The following MRAP2 variants were observed in gnomAD, a reference collection of about 807,000 sequenced individuals.
MRAP2 encodes melanocortin 2 receptor accessory protein 2.
Under a neutral mutation model 17.4 loss-of-function variants are expected in MRAP2, and 20 were observed. That is an observed-to-expected ratio of 1.15 (90% CI 0.81 to 1.67). MRAP2 has a LOEUF of 1.67. Among genes scored for constraint, MRAP2 ranks in the 40% most tolerant of loss-of-function variants. The probability of loss-of-function intolerance (pLI) is 0.00; values close to 1 mark genes in which losing one functional copy is unlikely to be tolerated. For synonymous variants in MRAP2, 96 were observed against 88.4 expected, an observed-to-expected ratio of 1.09 and a Z score of -0.48; for missense variants, 238 against 240.0, an observed-to-expected ratio of 0.99 and a Z score of 0.05.
chr6:84,100,655 C>A, the MRAP2 span, among the ~76,000 whole-genome samples: 1 of 152,078 alleles, frequency 6.6e-6, no homozygotes. Flanking sequence ...CTATATTTTT[C>A]AAAAAATGTG....
intron 3 of MRAP2, among the ~76,000 whole-genome samples, chr6:84,072,692 G>A (rs1026824406): frequency 3.3e-5 from 5 of 152,212 alleles, no homozygotes; most frequent in African/African-American, 7.2e-5. Flanking sequence ...AAGGACCATC[G>A]GGTTGGGGCA....
At chr6:84,135,764 G>T in the MRAP2 span, among the ~76,000 whole-genome samples, 951 of 152,246 alleles carry the variant, frequency 6.2e-3, 4 homozygotes, top group African/African-American at 0.022. Flanking sequence ...TCAGGAAGCT[G>T]AGACATAAGA....
chr6:84,094,119 A>C (rs1274406439), downstream of MRAP2, among the ~76,000 whole-genome samples: 1 of 152,174 alleles, frequency 6.6e-6, no homozygotes, highest in East Asian at 1.9e-4. Flanking sequence ...TCACTCCTGA[A>C]TAACCCTATC....
At chr6:84,144,903 C>T in the MRAP2 span, among the ~76,000 whole-genome samples, 3 of 152,112 alleles carry the variant, frequency 2.0e-5, no homozygotes, top group Middle Eastern at 3.4e-3. Flanking sequence ...TCTCCAGAAA[C>T]CATTAGCTGA....
the MRAP2 span, among the ~76,000 whole-genome samples, chr6:84,144,170 C>T: frequency 1.2e-4 from 19 of 152,072 alleles, no homozygotes; most frequent in African/African-American, 4.6e-4. Flanking sequence ...TGTTCTTTCT[C>T]CTTTTACAAA....
At chr6:84,131,445 G>T in the MRAP2 span, among the ~76,000 whole-genome samples, 1 of 152,098 alleles carries the variant, frequency 6.6e-6, no homozygotes, top group Non-Finnish European at 1.5e-5. Flanking sequence ...TGACAGTGGG[G>T]TGTTAAAGTC....
chr6:84,037,195 T>C (rs185705889), intron 1 of MRAP2, among the ~76,000 whole-genome samples: 180 of 151,596 alleles, frequency 1.2e-3, no homozygotes, highest in African/African-American at 4.3e-3. Flanking sequence ...ATTACAAACC[T>C]TGAGCTAGAC....
chr6:84,104,416 T>A, the MRAP2 span, among the ~76,000 whole-genome samples: 2 of 152,258 alleles, frequency 1.3e-5, no homozygotes, highest in African/African-American at 4.8e-5. Flanking sequence ...TATGCAAATC[T>A]CTGCAGCTGG....
the MRAP2 span, among the ~76,000 whole-genome samples, chr6:84,135,607 A>G: frequency 6.6e-6 from 1 of 151,256 alleles, no homozygotes; most frequent in African/African-American, 2.5e-5. Flanking sequence ...TCACGCCTGT[A>G]ATCCCAGCTC....
the MRAP2 span, among the ~76,000 whole-genome samples, chr6:84,127,795 A>G: frequency 6.6e-6 from 1 of 152,256 alleles, no homozygotes; most frequent in Admixed American, 6.5e-5. Context: ...GTGAATGAGA[A>G]TTCTAATATT....
chr6:84,033,789 C>A lies in MRAP2; in HGVS notation c.-102C>A. Reference sequence around the variant, plus strand: ...TAGGAGCTACTCGCCCGGCCCTGGGCGGTGGGAGGCGGCGGCGGCGGCGGC... The same window carrying A: ...TAGGAGCTACTCGCCCGGCCCTGGGAGGTGGGAGGCGGCGGCGGCGGCGGC... On this transcript the variant is annotated 5_prime_UTR_variant, in exon 1 of 4. Transcript: ENST00000257776. The A allele has an allele frequency of 2.0e-6, 2 of 986,738 alleles. No individual in the cohort carries two copies. The highest frequency in any genetic ancestry group is 1.2e-6 in the Non-Finnish European group (1 of 830,948). 61.1% of individuals were successfully genotyped at this position (986,738 alleles called of 1,614,324 possible). A position where few individuals can be genotyped will look rare whatever the true frequency, so the allele number is the denominator to read the frequency against.
intron 3 of MRAP2, among the ~76,000 whole-genome samples, chr6:84,075,418 G>A (rs1015776878): frequency 6.6e-6 from 1 of 152,162 alleles, no homozygotes; most frequent in African/African-American, 2.4e-5. Context: ...CTTTGATGGG[G>A]ATTATTTTTT....
At chr6:84,132,355 T>C in the MRAP2 span, among the ~76,000 whole-genome samples, 1 of 152,160 alleles carries the variant, frequency 6.6e-6, no homozygotes, top group Non-Finnish European at 1.5e-5. Context: ...ATCTTTGTGG[T>C]GTTCTCTGTA....
chr6:84,049,545 A>G (rs1399806815), intron 1 of MRAP2, among the ~76,000 whole-genome samples: 2 of 152,214 alleles, frequency 1.3e-5, no homozygotes, highest in African/African-American at 4.8e-5. Flanking sequence ...TATGAATCCA[A>G]ACTGCTTGTC....
chr6:84,046,106 C>T (rs2099488952), intron 1 of MRAP2, among the ~76,000 whole-genome samples: 1 of 152,172 alleles, frequency 6.6e-6, no homozygotes, highest in Admixed American at 6.5e-5. Flanking sequence ...AGACTGCTAG[C>T]CCTCCTGTCT....
the MRAP2 span, among the ~76,000 whole-genome samples, chr6:84,112,112 C>T: frequency 6.6e-6 from 1 of 152,150 alleles, no homozygotes; most frequent in South Asian, 2.1e-4. Flanking sequence ...ATGATGCTGG[C>T]CTCCTCAAAT....
the MRAP2 span, among the ~76,000 whole-genome samples, chr6:84,109,156 C>T: frequency 3.3e-5 from 5 of 152,116 alleles, no homozygotes; most frequent in Admixed American, 6.6e-5. Flanking sequence ...GCTTTTTGGG[C>T]TCTTTTTTGA....
chr6:84,045,948 C>T (rs749679893), intron 1 of MRAP2, among the ~76,000 whole-genome samples: 7 of 152,210 alleles, frequency 4.6e-5, no homozygotes, highest in Non-Finnish European at 7.3e-5. Context: ...AGGACTTTCA[C>T]TACATCCCTT....
chr6:84,082,883 A>G (rs1269372341), intron 3 of MRAP2, among the ~76,000 whole-genome samples: 2 of 151,796 alleles, frequency 1.3e-5, no homozygotes, highest in African/African-American at 4.8e-5. Flanking sequence ...TACCAGGCTT[A>G]TCAGTACGAG....
Sources: gnomAD v4.1 joint callset for allele counts (sites outside exome capture counted in the v4.1 genomes callset) on GRCh38, gnomAD v4.1.1 for gene constraint, MANE v1.5 for transcripts, NCBI Gene and HGNC (gene_info 2026-07-23, HGNC 2026-07-21) for gene names.